The following PPFIA2 variants were observed in gnomAD, a reference collection of about 807,000 sequenced individuals.
PPFIA2 encodes liprin-alpha-2.
PPFIA2 carries 46 observed loss-of-function variants against 175.5 expected under a neutral mutation model. The observed-to-expected ratio is 0.26, with a 90% CI of 0.21 to 0.34. The LOEUF is 0.34. Ranked by LOEUF, PPFIA2 falls within the 10% of genes least tolerant of loss-of-function variation. PPFIA2 has a pLI of 1.00. For missense variants in PPFIA2, 1,179 were observed against 1,506.1 expected (o/e 0.78, Z 3.60); for synonymous variants, 568 against 511.4 (o/e 1.11, Z -1.49).
chr12:81,550,447 G>A (rs1458494755), intron 4 of PPFIA2, among the ~76,000 whole-genome samples: 1 of 152,000 alleles, frequency 6.6e-6, no homozygotes. Context: ...ATGTATAGAA[G>A]CGATGTGATC....
At chr12:81,336,350 G>A (rs1177818551) in intron 21 of PPFIA2, among the ~76,000 whole-genome samples, 2 of 152,126 alleles carry the variant, frequency 1.3e-5, no homozygotes, top group Non-Finnish European at 2.9e-5. Flanking sequence ...GTCTATGCTA[G>A]TAATACATTA....
chr12:81,714,256 A>G lies in PPFIA2; in HGVS notation c.250-37412T>C, dbSNP rs140441914. Among the ~76,000 whole-genome samples the G allele has an allele frequency of 6.3e-4, 95 of 151,254 alleles. 1 individual carries two copies. Among genetic ancestry groups the G allele is most frequent in the African/African-American group, 2.1e-3 (89 of 41,510 alleles). ...GCATTCAATTCTATGTATTGAAGGT[A>G]GAGCAAAGATGATTAAGTGCTGGCT... On this transcript the variant is annotated intron_variant, in intron 3 of 32. Coordinates refer to ENST00000549396, the MANE Select transcript of PPFIA2 (RefSeq NM_003625.5).
At chr12:81,477,977 A>C (rs1370394601) in intron 4 of PPFIA2, among the ~76,000 whole-genome samples, 1 of 152,090 alleles carries the variant, frequency 6.6e-6, no homozygotes, top group African/African-American at 2.4e-5. Flanking sequence ...TAGTTTCAGA[A>C]GGGATGGTAC....
intron 6 of PPFIA2, among the ~76,000 whole-genome samples, chr12:81,440,720 A>G (rs1015045464): frequency 6.6e-6 from 1 of 151,582 alleles, no homozygotes; most frequent in Non-Finnish European, 1.5e-5. Context: ...CTTGTTTCTT[A>G]CATAACTGAA....
At chr12:81,738,553 T>C (rs2153650560) in intron 3 of PPFIA2, among the ~76,000 whole-genome samples, 1 of 151,982 alleles carries the variant, frequency 6.6e-6, no homozygotes, top group African/African-American at 2.4e-5. Context: ...TACATTAACA[T>C]TACACTTTGC....
chr12:81,681,292 A>G (rs547387239), intron 3 of PPFIA2, among the ~76,000 whole-genome samples: 6 of 152,030 alleles, frequency 3.9e-5, no homozygotes, highest in Non-Finnish European at 8.8e-5. Flanking sequence ...TTCCTCTCCA[A>G]GGTGTGAAAA....
intron 4 of PPFIA2, chr12:81,512,353 A>G (rs1285926299): frequency 3.1e-6 from 4 of 1,288,456 alleles, no homozygotes; most frequent in Non-Finnish European, 4.0e-6. Flanking sequence ...ACCTGCAGCC[A>G]AAACAAATTA....
chr12:81,259,682 A>G (rs763556160), intron 32 of PPFIA2, 22 bp from the exon 33 acceptor site: 1 of 1,532,924 alleles, frequency 6.5e-7, no homozygotes, highest in Non-Finnish European at 8.7e-7. Flanking sequence ...AATGGATAGC[A>G]TTAGTTCACT....
In PPFIA2 at chr12:81,297,206, C is replaced by A. The variant is rs532919492; in HGVS notation, c.2724+2095G>T. ...AGCCTTGAGATGACTGCTGCCCTGG[C>A]TGATACCTTGATTGCAGCCCTGTGA... On this transcript the variant is annotated intron_variant, in intron 23 of 32. Coordinates refer to ENST00000549396, the MANE Select transcript of PPFIA2 (RefSeq NM_003625.5). Among the ~76,000 whole-genome samples, 19 of 152,264 alleles carry A rather than the reference C, an allele frequency of 1.2e-4. No homozygotes were observed. The South Asian group carries it at 3.9e-3, about 32-fold the overall frequency.
intron 4 of PPFIA2, among the ~76,000 whole-genome samples, chr12:81,602,314 T>C (rs1218991760): frequency 6.8e-6 from 1 of 148,094 alleles, no homozygotes; most frequent in Non-Finnish European, 1.5e-5. Context: ...TGCAGTTTTA[T>C]CTTTTTTAAA....
At chr12:81,693,232 A>G (rs1399867647) in intron 3 of PPFIA2, among the ~76,000 whole-genome samples, 1 of 152,026 alleles carries the variant, frequency 6.6e-6, no homozygotes, top group Non-Finnish European at 1.5e-5. Context: ...GTTTGTCCCC[A>G]CCCAAATCTC....
At chr12:81,262,532 G>T (rs771851740) in intron 31 of PPFIA2, among the ~76,000 whole-genome samples, 3 of 152,144 alleles carry the variant, frequency 2.0e-5, no homozygotes, top group Admixed American at 6.5e-5. Context: ...AAGAAATAAT[G>T]ATGCTAGGTG....
chr12:81,460,177 G>A (rs1383188241), intron 4 of PPFIA2, among the ~76,000 whole-genome samples: 1 of 152,082 alleles, frequency 6.6e-6, no homozygotes, highest in Non-Finnish European at 1.5e-5. Flanking sequence ...GTCAAGGGCA[G>A]GAACAGGTGG....
At chr12:81,677,409 C>T (rs1017383170) in intron 3 of PPFIA2, among the ~76,000 whole-genome samples, 3 of 151,848 alleles carry the variant, frequency 2.0e-5, no homozygotes, top group Admixed American at 6.6e-5. Flanking sequence ...TAACAACAGT[C>T]GCCCTATTGT....
intron 4 of PPFIA2, among the ~76,000 whole-genome samples, chr12:81,587,954 A>C (rs2075521299): frequency 6.6e-6 from 1 of 152,030 alleles, no homozygotes; most frequent in South Asian, 2.1e-4. Flanking sequence ...AAGCATAGAA[A>C]CTTTCTATAT....
At chr12:81,758,776 G>A (rs2085075922) in intron 1 of PPFIA2, 1 of 156,420 alleles carries the variant, frequency 6.4e-6, no homozygotes, top group African/African-American at 2.4e-5. Context: ...GCAGCTCCCC[G>A]CGTGCAGCTG....
intron 4 of PPFIA2, among the ~76,000 whole-genome samples, chr12:81,509,301 G>T (rs1412310333): frequency 1.3e-5 from 2 of 152,038 alleles, no homozygotes; most frequent in Non-Finnish European, 2.9e-5. Flanking sequence ...GTAAGAGAAA[G>T]AAGGTTTTCC....
intron 22 of PPFIA2, among the ~76,000 whole-genome samples, chr12:81,321,426 T>C (rs77351979): frequency 0.059 from 8,938 of 152,236 alleles, 308 homozygotes; most frequent in Admixed American, 0.098. Context: ...AGAATGTTGA[T>C]GACATTAAAT....
intron 3 of PPFIA2, among the ~76,000 whole-genome samples, chr12:81,677,556 CA>C (rs1239345676): frequency 6.6e-6 from 1 of 151,868 alleles, no homozygotes; most frequent in African/African-American, 2.4e-5. Flanking sequence ...TCCATGAGAT[CA>C]TTTTTTTTTA....
Sources: gnomAD v4.1 joint callset for allele counts (sites outside exome capture counted in the v4.1 genomes callset) on GRCh38, gnomAD v4.1.1 for gene constraint, MANE v1.5 for transcripts, NCBI Gene and HGNC (gene_info 2026-07-23, HGNC 2026-07-21) for gene names.